Variants in PCCA observed in about 807,000 individuals in gnomAD.
PCCA encodes the protein propionyl-CoA carboxylase alpha chain, mitochondrial.
PCCA carries 74 observed loss-of-function variants against 101.3 expected under a neutral mutation model. The observed-to-expected ratio is 0.73, with a 90% CI of 0.61 to 0.89. PCCA has a LOEUF of 0.89. PCCA is among the 40% of genes least tolerant of loss of function. The pLI is 0.00. For missense variants in PCCA, 891 were observed against 907.0 expected, an observed-to-expected ratio of 0.98 and a Z score of 0.23; for synonymous variants, 294 against 313.6, an observed-to-expected ratio of 0.94 and a Z score of 0.66.
At chr13:100,301,693 T>C (rs907936685) in intron 13 of PCCA, 90 bp downstream of exon 13, 3 of 1,418,100 alleles carry the variant, frequency 2.1e-6, no homozygotes, top group African/African-American at 1.4e-5. Flanking sequence ...AAGTTAGGGT[T>C]TTATAATGTT....
Position 100,530,181 on chromosome 13 carries a change from T to TTCAG in PCCA, c.*19_*22dup, listed in dbSNP as rs774583528. 1 of 1,600,092 alleles carries TTCAG rather than the reference T, an allele frequency of 6.2e-7. No individual in the cohort carries two copies. The highest frequency in any genetic ancestry group is 8.6e-7 in the Non-Finnish European group (1 of 1,167,226). ...AGCTGGAATGAAGGATTTATAACCT[T>TTCAG]TCAGTCATCACCCAATTTAATTAGC... On this transcript the variant is annotated 3_prime_UTR_variant, in exon 24 of 24. Coordinates refer to ENST00000376285, the MANE Select transcript of PCCA (RefSeq NM_000282.4).
rs9557441 is a variant in PCCA, at chr13:100,503,124, T to C, written c.1900-12303T>C. On this transcript the variant is annotated intron_variant, in intron 21 of 23. Coordinates refer to ENST00000376285, the MANE Select transcript of PCCA (RefSeq NM_000282.4). ...GGAGTTGTCCTGGGCAGAGGCTGCC[T>C]GTTGACAGAGGCTCAGCACAGCCAT... 4.4e-3 allele frequency among the ~76,000 whole-genome samples: 665 copies of C among 152,328 alleles called. 33 individuals carry two copies. In the East Asian group the frequency reaches 0.098, roughly 23 times the overall value.
At chr13:100,489,925 T>G (rs9585450) in intron 21 of PCCA, 2 of 152,138 alleles carry the variant, frequency 1.3e-5, no homozygotes, top group African/African-American at 4.8e-5. Context: ...TGTAACTGTT[T>G]CTGTGTTCTA....
At chr13:100,345,962 T>A (rs1307778302) in intron 18 of PCCA, among the ~76,000 whole-genome samples, 1 of 152,168 alleles carries the variant, frequency 6.6e-6, no homozygotes, top group East Asian at 1.9e-4. Context: ...TTGACTCCAC[T>A]GTTGAGACCT....
In PCCA at chr13:100,209,253, T is replaced by C. The variant is rs917305231; in HGVS notation, c.469-79T>C. 4.8e-6 allele frequency: 6 copies of C among 1,255,164 alleles called. No individual in the cohort carries two copies. In the Admixed American group the frequency reaches 7.1e-5, roughly 15 times the overall value. The allele number at this position is 1,255,164 out of a possible 1,614,324, so 77.8% of individuals were successfully genotyped here. ...ATAATTAGAAAATACACATATGGGC[T>C]TTTCTTTTATAAAATTGTGACTCCA... On this transcript the variant is annotated intron_variant, in intron 6 of 23. Coordinates refer to ENST00000376285, the MANE Select transcript of PCCA (RefSeq NM_000282.4).
At chr13:100,376,760 C>A (rs923721589) in intron 19 of PCCA, among the ~76,000 whole-genome samples, 2 of 152,192 alleles carry the variant, frequency 1.3e-5, no homozygotes, top group African/African-American at 4.8e-5. Context: ...CTGGGATCCG[C>A]TGAGCAAGAC....
At chr13:100,452,128 TC>T (rs2081368996) in intron 21 of PCCA, among the ~76,000 whole-genome samples, 1 of 132,578 alleles carries the variant, frequency 7.5e-6, no homozygotes, top group African/African-American at 3.0e-5. Flanking sequence ...CTTCTTCCTC[TC>T]CCTCTCTCTC....
chr13:100,089,236 A>T lies in PCCA; in HGVS notation c.105+11A>T. 6.7e-7 allele frequency: 1 copy of T among 1,493,350 alleles called. No individual in the cohort carries two copies. Among genetic ancestry groups the T allele is most frequent in the Non-Finnish European group, 8.9e-7 (1 of 1,120,138 alleles). The allele number at this position is 1,493,350 out of a possible 1,614,324, so 92.5% of individuals were successfully genotyped here. A position where few individuals can be genotyped will look rare whatever the true frequency, so the allele number is the denominator to read the frequency against. ...CTGCGGACCCTGAAGGTGAGGAGCA[A>T]CGGGGCCTCGCGGGTCCGGGCTTCA... On this transcript the variant is annotated intron_variant, in intron 1 of 23. Coordinates refer to ENST00000376285, the MANE Select transcript of PCCA (RefSeq NM_000282.4).
At chr13:100,454,983 T>C (rs2081603952) in intron 21 of PCCA, among the ~76,000 whole-genome samples, 1 of 152,168 alleles carries the variant, frequency 6.6e-6, no homozygotes, top group African/African-American at 2.4e-5. Context: ...CAGATTTGCA[T>C]ACCTAAGTGT....
intron 16 of PCCA, among the ~76,000 whole-genome samples, chr13:100,317,788 A>G (rs9300601): frequency 0.62 from 94,899 of 151,946 alleles, 29,875 homozygotes; most frequent in East Asian, 0.78. Context: ...GGATTTTGCC[A>G]TGTTGCCTAG....
At chr13:100,397,301 A>G (rs546815795) in intron 19 of PCCA, among the ~76,000 whole-genome samples, 18 of 152,320 alleles carry the variant, frequency 1.2e-4, no homozygotes, top group Non-Finnish European at 2.5e-4. Flanking sequence ...GCAATTATGT[A>G]ACTTCTCTGA....
chr13:100,453,857 TTTGTTTTGTTTTG>T (rs1382858105), intron 21 of PCCA, among the ~76,000 whole-genome samples: 1 of 152,062 alleles, frequency 6.6e-6, no homozygotes, highest in African/African-American at 2.4e-5. Context: ...GTCTTTTTGA[TTTGTTTTGTTTTG>T]TTTTTGTTTT....
intron 7 of PCCA, among the ~76,000 whole-genome samples, chr13:100,234,096 T>A (rs2060642768): frequency 6.6e-6 from 1 of 152,234 alleles, no homozygotes; most frequent in African/African-American, 2.4e-5. Flanking sequence ...CTAGGTTTAT[T>A]ATAATCCAGT....
At chr13:100,096,286 G>A (rs1482038575) in intron 1 of PCCA, among the ~76,000 whole-genome samples, 2 of 152,026 alleles carry the variant, frequency 1.3e-5, no homozygotes, top group Non-Finnish European at 2.9e-5. Flanking sequence ...TACTATGTCT[G>A]TTATGGTGAT....
rs201778391 is a variant in PCCA at position 100,286,085 on chromosome 13, T to TG, written c.1065+12746dup. Among the ~76,000 whole-genome samples the TG allele has an allele frequency of 6.1e-3, 922 of 152,094 alleles. 26 individuals are homozygous for TG. The highest frequency in any genetic ancestry group is 3.4e-3 in the Non-Finnish European group (229 of 67,986). ...ATGTGCATACCCCTCTGCATGTGTG[T>TG]GGGGGGGAAGCAGGCCATTAACTAC... On this transcript the variant is annotated intron_variant, in intron 12 of 23. Transcript: ENST00000376285.
At chr13:100,473,301 A>G (rs2083164835) in intron 21 of PCCA, 1 of 152,002 alleles carries the variant, frequency 6.6e-6, no homozygotes, top group Non-Finnish European at 1.5e-5. Context: ...CCTGCAGTCG[A>G]TTAGGCTTCA....
intron 6 of PCCA, among the ~76,000 whole-genome samples, chr13:100,188,294 A>AAAAAC (rs60307671): frequency 0.31 from 45,596 of 146,872 alleles, 7,867 homozygotes; most frequent in East Asian, 0.7. Flanking sequence ...TCTGTCTCAA[A>AAAAAC]AAAACAAAAC....
intron 7 of PCCA, 72 bp from the exon 8 acceptor site, chr13:100,235,770 A>AG: frequency 1.0e-6 from 1 of 966,710 alleles, no homozygotes; most frequent in Non-Finnish European, 1.7e-6. Flanking sequence ...GTAGTGCAAT[A>AG]TATGACTGCC....
At position 100,238,946 on chromosome 13, in the gene PCCA, T is replaced by C. The variant is rs148683792; in HGVS notation, c.637+3068T>C. 2.1e-3 allele frequency among the ~76,000 whole-genome samples: 325 copies of C among 152,288 alleles called. 2 individuals carry two copies. Among genetic ancestry groups the C allele is most frequent in the African/African-American group, 7.4e-3 (306 of 41,570 alleles). The stretch of plus-strand genomic sequence containing the variant: ...CCATGTGTTATACCTATTCATAGAG[T>C]TCTCTCTTAATTCTTTCTGTGTTAT... On this transcript the variant is annotated intron_variant, in intron 8 of 23. Coordinates refer to ENST00000376285, the MANE Select transcript of PCCA (RefSeq NM_000282.4).
Sources: gnomAD v4.1 joint callset for allele counts (sites outside exome capture counted in the v4.1 genomes callset) on GRCh38, gnomAD v4.1.1 for gene constraint, MANE v1.5 for transcripts, NCBI Gene and HGNC (gene_info 2026-07-23, HGNC 2026-07-21) for gene names.